SENP7: variants seen among roughly 807,000 people sequenced by gnomAD.
SENP7 encodes SUMO specific peptidase 7.
SENP7 carries 64 observed loss-of-function variants against 141.2 expected under a neutral mutation model. The ratio of observed to expected loss-of-function variants is 0.45; its 90% CI spans 0.37 to 0.56. The LOEUF (loss-of-function observed/expected upper bound fraction) is 0.56. SENP7 is among the 20% of genes least tolerant of loss of function. The pLI, the probability that SENP7 is intolerant of heterozygous loss-of-function variation, is 0.00. For missense variants in SENP7, 1,025 were observed against 1,212.2 expected, an observed-to-expected ratio of 0.85 and a Z score of 2.29; for synonymous variants, 382 against 426.4, an observed-to-expected ratio of 0.90 and a Z score of 1.28.
In SENP7 at chr3:101,343,859, T is replaced by A; in HGVS notation, c.1933A>T (p.Ile645Phe). Residue 645 changes from isoleucine to phenylalanine, a missense_variant, in exon 14 of 24, where the codon ATC becomes TTC. By Grantham distance (21) the Ile-to-Phe change is conservative. Transcript: ENST00000394095. ...TAAGAAAGCTCTAATTCTCCACTGA[T>A]TATACTTATTTCCGTCATAATATCT... Reference protein sequence around the residue: ...LKDIMTEISIISGELELSYPL... With the variant: ...LKDIMTEISIFSGELELSYPL... The A allele has an allele frequency of 6.2e-7, 1 of 1,613,658 alleles. No individual in the cohort carries two copies. Among genetic ancestry groups the A allele is most frequent in the Non-Finnish European group, 8.5e-7 (1 of 1,179,660 alleles).
chr3:101,408,842 G>A (rs1388734159), intron 5 of SENP7, among the ~76,000 whole-genome samples: 1 of 152,128 alleles, frequency 6.6e-6, no homozygotes, highest in Non-Finnish European at 1.5e-5. Flanking sequence ...ATGGGGAAAA[G>A]TTGAAAGCAT....
chr3:101,480,806 G>A (rs562816036), intron 3 of SENP7, among the ~76,000 whole-genome samples: 2 of 152,190 alleles, frequency 1.3e-5, no homozygotes, highest in African/African-American at 2.4e-5. Context: ...CCGTTAAACA[G>A]TGGGCAAAGG....
chr3:101,405,384 G>A (rs2061271093), intron 5 of SENP7, among the ~76,000 whole-genome samples: 1 of 152,116 alleles, frequency 6.6e-6, no homozygotes, highest in Non-Finnish European at 1.5e-5. Flanking sequence ...AAAAGGGCGA[G>A]AGTACTATAA....
rs531478024 is a variant in SENP7 at position 101,390,206 on chromosome 3, C to T, written c.677+8655G>A. 1.1e-4 allele frequency among the ~76,000 whole-genome samples: 13 copies of T among 118,260 alleles called. No individual in the cohort carries two copies. The East Asian group carries it at 2.8e-3, about 26-fold the overall frequency. The allele number at this position is 118,260 out of a possible 152,430, so 77.6% of individuals were successfully genotyped here. On this transcript the variant is annotated intron_variant, in intron 6 of 23. Transcript: ENST00000394095. ...CTGCACTCTAGCTTGGGCAACAGAG[C>T]GAGACTCTGTCTCAAAAAAAAAAAA...
chr3:101,463,398 C>CATATATATATATATATATATATATACAT (rs1257100584), intron 3 of SENP7, among the ~76,000 whole-genome samples: 1 of 58,694 alleles, frequency 1.7e-5, no homozygotes, highest in Non-Finnish European at 3.5e-5. Context: ...TATATATATA[C>CATATATATATATATATATATATATACAT]ATATATATAT....
chr3:101,413,051 A>G (rs1265639720), intron 5 of SENP7, among the ~76,000 whole-genome samples: 1 of 152,168 alleles, frequency 6.6e-6, no homozygotes, highest in Non-Finnish European at 1.5e-5. Flanking sequence ...TACTTAGTTC[A>G]CTACTTTAGA....
In SENP7 at chr3:101,341,555, C is replaced by CTT. The variant is rs1033987257; in HGVS notation, c.2240+90_2240+91insAA. The CTT allele has an allele frequency of 1.6e-4, 183 of 1,168,888 alleles. No individual in the cohort carries two copies. The African/African-American group carries it at 2.7e-3, about 17-fold the overall frequency. The allele number at this position is 1,168,888 out of a possible 1,614,324, so 72.4% of individuals were successfully genotyped here. ...ATCAGCATGAAAGTAAAACTTAAAA[C>CTT]ATTTCAAAAGTTAAACTACTGAAAA... On this transcript the variant is annotated intron_variant, in intron 15 of 23. Coordinates refer to ENST00000394095, the MANE Select transcript of SENP7 (RefSeq NM_020654.5).
intron 4 of SENP7, among the ~76,000 whole-genome samples, chr3:101,448,389 A>G (rs2062979504): frequency 6.6e-6 from 1 of 152,258 alleles, no homozygotes; most frequent in South Asian, 2.1e-4. Context: ...TAACTCTTAC[A>G]ACAAAAAGAT....
At chr3:101,403,670 C>T (rs568901578) in intron 5 of SENP7, among the ~76,000 whole-genome samples, 71 of 152,162 alleles carry the variant, frequency 4.7e-4, no homozygotes, top group Non-Finnish European at 7.1e-4. Context: ...CTAGAAAACC[C>T]GATAGTCTCA....
intron 4 of SENP7, among the ~76,000 whole-genome samples, chr3:101,450,682 C>T (rs917743680): frequency 3.3e-5 from 5 of 152,194 alleles, no homozygotes; most frequent in African/African-American, 1.2e-4. Context: ...AAAGACACAA[C>T]ACACCAGAAT....
At chr3:101,510,210 G>C (rs2108216588) in intron 1 of SENP7, among the ~76,000 whole-genome samples, 1 of 152,266 alleles carries the variant, frequency 6.6e-6, no homozygotes, top group Non-Finnish European at 1.5e-5. Context: ...CAGTGAACCT[G>C]TCTCTGATGC....
intron 1 of SENP7, among the ~76,000 whole-genome samples, chr3:101,512,843 G>T (rs898953843): frequency 6.6e-6 from 1 of 152,164 alleles, no homozygotes. Flanking sequence ...GGGTGTTCGC[G>T]GGAGGAGGGA....
chr3:101,376,771 A>G (rs1026933014), intron 6 of SENP7, among the ~76,000 whole-genome samples: 1 of 152,156 alleles, frequency 6.6e-6, no homozygotes, highest in South Asian at 2.1e-4. Context: ...GTACCCTAAA[A>G]CTTAAAGTAT....
intron 3 of SENP7, among the ~76,000 whole-genome samples, chr3:101,490,922 T>A (rs2064940873): frequency 6.6e-6 from 1 of 152,186 alleles, no homozygotes; most frequent in South Asian, 2.1e-4. Flanking sequence ...ACAGTAAGGC[T>A]GACATATGCC....
intron 4 of SENP7, among the ~76,000 whole-genome samples, chr3:101,422,280 T>C (rs534696809): frequency 2.6e-5 from 4 of 152,076 alleles, no homozygotes; most frequent in South Asian, 2.1e-4. Flanking sequence ...CGTGGAAAAA[T>C]TGGCTTCCAT....
intron 5 of SENP7, among the ~76,000 whole-genome samples, chr3:101,409,138 C>T (rs1048345363): frequency 6.6e-6 from 1 of 152,076 alleles, no homozygotes; most frequent in East Asian, 1.9e-4. Flanking sequence ...ACACCAACAG[C>T]GACCAAGCAG....
At chr3:101,387,494 C>T (rs1162988055) in intron 6 of SENP7, among the ~76,000 whole-genome samples, 1 of 152,106 alleles carries the variant, frequency 6.6e-6, no homozygotes, top group East Asian at 1.9e-4. Context: ...AGACCTGCCC[C>T]CTCACAACTT....
Position 101,372,050 on chromosome 3 carries a change from C to T in SENP7, c.754G>A (p.Asp252Asn). 6.4e-7 allele frequency: 1 copy of T among 1,567,138 alleles called. No homozygotes were observed. Among genetic ancestry groups the T allele is most frequent in the Non-Finnish European group, 8.7e-7 (1 of 1,149,376 alleles). ...TAHNKEKRRK[D>N]DGISLLISDT... ...GATATTAAAAGAGAAATGCCATCAT[C>T]CTTTCTTCGTTTTTCTTTATTGTGC... Residue 252 changes from aspartate (D) to asparagine (N), a missense_variant, in exon 7 of 24, where the codon GAT becomes AAT. Asp to Asn is a conservative substitution (Grantham distance 23). This residue lies in a region of SENP7 where 496 missense variants were observed against 503.5 expected (regional missense o/e 0.99). Transcript: ENST00000394095.
intron 5 of SENP7, among the ~76,000 whole-genome samples, chr3:101,409,514 G>C (rs991005875): frequency 6.6e-6 from 1 of 152,034 alleles, no homozygotes; most frequent in African/African-American, 2.4e-5. Flanking sequence ...AAATCTACAG[G>C]CATCACATTA....
Sources: gnomAD v4.1 joint callset for allele counts (sites outside exome capture counted in the v4.1 genomes callset) on GRCh38, gnomAD v4.1.1 for gene constraint, gnomAD v4.1.1 regional missense constraint, MANE v1.5 for transcripts, NCBI Gene and HGNC (gene_info 2026-07-23, HGNC 2026-07-21) for gene names.